PTPN14: variants seen among roughly 807,000 people sequenced by gnomAD.
PTPN14 encodes the protein tyrosine-protein phosphatase non-receptor type 14.
A neutral mutation model predicts 126.8 loss-of-function variants in PTPN14; 53 were observed. The ratio of observed to expected loss-of-function variants is 0.42; its 90% CI spans 0.34 to 0.53. PTPN14 has a LOEUF of 0.53. PTPN14 is among the 20% of genes least tolerant of loss of function. PTPN14 has a pLI of 0.08. For synonymous variants in PTPN14, 630 were observed against 599.3 expected (o/e 1.05, Z -0.75); for missense variants, 1,257 against 1,552.9 (o/e 0.81, Z 3.20).
chr1:214,401,794 A>C (rs1360423666), intron 6 of PTPN14, 22 bp from the exon 7 acceptor site: 1 of 1,532,868 alleles, frequency 6.5e-7, no homozygotes, highest in Non-Finnish European at 9.0e-7. Context: ...ATAGCATCAA[A>C]GGAAGAAATG....
intron 1 of PTPN14, among the ~76,000 whole-genome samples, chr1:214,541,622 T>C (rs897962524): frequency 6.6e-6 from 1 of 152,216 alleles, no homozygotes; most frequent in Non-Finnish European, 1.5e-5. Context: ...ACAGATGTTA[T>C]TCTTAGCTCA....
chr1:214,447,494 G>T (rs919064552), intron 3 of PTPN14, among the ~76,000 whole-genome samples: 3 of 152,004 alleles, frequency 2.0e-5, no homozygotes, highest in Non-Finnish European at 4.4e-5. Context: ...CCTGATCGTT[G>T]TTGGTGGCCC....
Position 214,390,141 on chromosome 1 carries a change from T to C in PTPN14, c.987+847A>G, listed in dbSNP as rs1035201160. Among the ~76,000 whole-genome samples the C allele has an allele frequency of 2.6e-5, 4 of 152,184 alleles. No homozygotes were observed. The East Asian group carries it at 7.7e-4, about 29-fold the overall frequency. ...ATTGCATTCTATCAGCTTGAAAGAA[T>C]TGTTGATCTAGAGAAGTTAAAAGGT... On this transcript the variant is annotated intron_variant, in intron 11 of 18. Transcript: ENST00000366956.
intron 1 of PTPN14, among the ~76,000 whole-genome samples, chr1:214,467,504 A>T (rs79697710): frequency 6.6e-6 from 1 of 152,220 alleles, no homozygotes; most frequent in Admixed American, 6.5e-5. Flanking sequence ...TTTGCAATGC[A>T]TAACTAGTGA....
intron 2 of PTPN14, among the ~76,000 whole-genome samples, chr1:214,452,640 TG>T (rs1660297139): frequency 6.6e-6 from 1 of 152,198 alleles, no homozygotes; most frequent in South Asian, 2.1e-4. Flanking sequence ...CAGATTATGG[TG>T]GGATTTGTTA....
At position 214,486,330 on chromosome 1, in the gene PTPN14, C is replaced by G. The variant is rs375597705; in HGVS notation, c.-154-21373G>C. On this transcript the variant is annotated intron_variant, in intron 1 of 18. Coordinates refer to ENST00000366956, the MANE Select transcript of PTPN14 (RefSeq NM_005401.5). ...ATCAAACTTTACAGAGTCTAAGTAA[C>G]TTACCTGAGATACACTAGCTAGTGA... Among the ~76,000 whole-genome samples, 23 of 152,286 alleles carry G rather than the reference C, an allele frequency of 1.5e-4. No homozygotes were observed. The East Asian group carries it at 1.9e-3, about 13-fold the overall frequency.
rs1039038852 is a variant in PTPN14 at position 214,355,878 on chromosome 1, C to T, written c.*2044G>A. On this transcript the variant is annotated 3_prime_UTR_variant, in exon 19 of 19. Transcript: ENST00000366956. ...TGAAGAAAGGCATATGGAACTCTCA[C>T]AGCAGTCAATTCTAAGAAAAAAAAC... The T allele has an allele frequency of 6.6e-6, 1 of 151,642 alleles. No individual in the cohort carries two copies. Among genetic ancestry groups the T allele is most frequent in the African/African-American group, 2.4e-5 (1 of 41,276 alleles). The allele number at this position is 151,642 out of a possible 1,614,324, so 9.4% of individuals were successfully genotyped here. A position where few individuals can be genotyped will look rare whatever the true frequency, so the allele number is the denominator to read the frequency against.
intron 3 of PTPN14, among the ~76,000 whole-genome samples, chr1:214,431,114 G>A (rs1016089191): frequency 1.3e-5 from 2 of 152,118 alleles, no homozygotes; most frequent in Non-Finnish European, 2.9e-5. Context: ...ACATTGAACG[G>A]CACAGACAAG....
chr1:214,362,473 A>G (rs1420934553), intron 18 of PTPN14, among the ~76,000 whole-genome samples: 1 of 152,234 alleles, frequency 6.6e-6, no homozygotes, highest in Non-Finnish European at 1.5e-5. Flanking sequence ...CACCAAGTCC[A>G]CAGGAGGCCA....
intron 3 of PTPN14, among the ~76,000 whole-genome samples, chr1:214,433,952 A>ACACACACACACACACACACAC (rs1491336637): frequency 2.2e-4 from 2 of 9,164 alleles, no homozygotes; most frequent in African/African-American, 4.2e-4. Flanking sequence ...ACACACACAC[A>ACACACACACACACACACACAC]AAAAAAAAAA....
chr1:214,410,505 A>G (rs1371735450), intron 5 of PTPN14, among the ~76,000 whole-genome samples: 4 of 152,036 alleles, frequency 2.6e-5, no homozygotes, highest in Non-Finnish European at 4.4e-5. Context: ...ATTGTCCAGG[A>G]TGGTCTCCAC....
chr1:214,397,267 G>C (rs1658899271), intron 8 of PTPN14, among the ~76,000 whole-genome samples: 1 of 152,166 alleles, frequency 6.6e-6, no homozygotes, highest in Admixed American at 6.5e-5. Context: ...ATACAAGAAA[G>C]CTGTTCTTCC....
intron 18 of PTPN14, among the ~76,000 whole-genome samples, chr1:214,360,135 G>T (rs1194844165): frequency 6.6e-6 from 1 of 152,190 alleles, no homozygotes. Context: ...GTTTTCAAGG[G>T]CTAAGCAAGT....
intron 1 of PTPN14, chr1:214,531,266 A>C (rs1348350193): frequency 6.6e-6 from 1 of 152,144 alleles, no homozygotes. Context: ...TCACACACTG[A>C]TGTCTGCTTC....
chr1:214,499,726 T>C (rs1654633318), intron 1 of PTPN14, among the ~76,000 whole-genome samples: 1 of 152,204 alleles, frequency 6.6e-6, no homozygotes, highest in African/African-American at 2.4e-5. Flanking sequence ...GGTTAGGCTA[T>C]CAAATGAATG....
At chr1:214,406,179 G>A (rs2102572288) in intron 5 of PTPN14, among the ~76,000 whole-genome samples, 1 of 152,260 alleles carries the variant, frequency 6.6e-6, no homozygotes, top group Admixed American at 6.5e-5. Context: ...CGGCTATGGT[G>A]CACTAAAAAT....
chr1:214,355,137 A>G lies in PTPN14; in HGVS notation c.*2785T>C, dbSNP rs1335494889. ...CTTAAATGTTTTCTTTTGGGTTTCA[A>G]TATAAACTTTGGCTAGAAAGTTGAA... On this transcript the variant is annotated 3_prime_UTR_variant, in exon 19 of 19. Transcript: ENST00000366956. The G allele has an allele frequency of 6.6e-6, 1 of 152,236 alleles. No individual in the cohort carries two copies. The highest frequency in any genetic ancestry group is 1.5e-5 in the Non-Finnish European group (1 of 68,042). 9.4% of individuals were successfully genotyped at this position (152,236 alleles called of 1,614,324 possible). A position where few individuals can be genotyped will look rare whatever the true frequency, so the allele number is the denominator to read the frequency against.
chr1:214,451,946 C>T lies in PTPN14; in HGVS notation c.203G>A (p.Ser68Asn). Residue 68 changes from serine to asparagine, a missense_variant, in exon 3 of 19, where the codon AGC (serine) becomes AAC (asparagine). Coordinates refer to ENST00000366956, the MANE Select transcript of PTPN14 (RefSeq NM_005401.5). ...ETHYFGLWFL[S>N]KSQQARWVEL... The stretch of plus-strand genomic sequence containing the variant: ...CACCCATCGTGCTTGCTGGCTCTTG[C>T]TGAGAAACCAAAGGCCAAAGTAGTG... The T allele has an allele frequency of 6.2e-7, 1 of 1,614,070 alleles. No homozygotes were observed. The highest frequency in any genetic ancestry group is 1.7e-5 in the Admixed American group (1 of 60,006).
At chr1:214,514,394 C>T (rs1010609727) in intron 1 of PTPN14, among the ~76,000 whole-genome samples, 14 of 152,272 alleles carry the variant, frequency 9.2e-5, no homozygotes, top group Non-Finnish European at 1.8e-4. Context: ...CCCACCATCC[C>T]GTAGATGCAG....
Sources: allele counts gnomAD v4.1 joint callset (sites outside exome capture counted in the v4.1 genomes callset), GRCh38; gene constraint gnomAD v4.1.1; transcripts MANE v1.5; gene names NCBI Gene and HGNC (gene_info 2026-07-23, HGNC 2026-07-21).